DMRTA1: variants seen among roughly 807,000 people sequenced by gnomAD.
DMRTA1 encodes the protein DMRT like family A1.
A neutral mutation model predicts 35.2 loss-of-function variants in DMRTA1; 34 were observed. That is an observed-to-expected ratio of 0.97 (90% CI 0.74 to 1.29). The LOEUF is 1.29. Among genes scored for constraint, DMRTA1 ranks in the 50% most tolerant of loss-of-function variants. The pLI, the probability that DMRTA1 is intolerant of heterozygous loss-of-function variation, is 0.00. For missense variants in DMRTA1, 824 were observed against 644.6 expected, an observed-to-expected ratio of 1.28 and a Z score of -3.01; for synonymous variants, 344 against 276.6, an observed-to-expected ratio of 1.24 and a Z score of -2.42.
Position 22,446,933 on chromosome 9 carries a change from A to C in DMRTA1, c.-133A>C. Reference sequence around the variant, plus strand: ...TCCTTCCGAGTGGAAAGAGTGTAAAACTTTTGTCCGTGCGCGGGTGGAGCT... The same window carrying C: ...TCCTTCCGAGTGGAAAGAGTGTAAACCTTTTGTCCGTGCGCGGGTGGAGCT... On this transcript the variant is annotated 5_prime_UTR_variant, in exon 1 of 2. Transcript: ENST00000325870. 8.5e-7 allele frequency: 1 copy of C among 1,172,858 alleles called. No homozygotes were observed. Among genetic ancestry groups the C allele is most frequent in the Non-Finnish European group, 1.2e-6 (1 of 846,068 alleles). 72.7% of individuals were successfully genotyped at this position (1,172,858 alleles called of 1,614,324 possible).
In DMRTA1 at chr9:22,451,970, C is replaced by G; in HGVS notation, c.*59C>G. ...CCAGCATACAATACATGCACGTGCA[C>G]ACACATACACACACATCCATTAATA... On this transcript the variant is annotated 3_prime_UTR_variant, in exon 2 of 2. Coordinates refer to ENST00000325870, the MANE Select transcript of DMRTA1 (RefSeq NM_022160.3). 6.4e-7 allele frequency: 1 copy of G among 1,551,388 alleles called. No individual in the cohort carries two copies. The highest frequency in any genetic ancestry group is 8.8e-7 in the Non-Finnish European group (1 of 1,141,536).
rs1818941011 is a variant in DMRTA1 at position 22,452,078 on chromosome 9, T to C, written c.*167T>C. On this transcript the variant is annotated 3_prime_UTR_variant, in exon 2 of 2. Coordinates refer to ENST00000325870, the MANE Select transcript of DMRTA1 (RefSeq NM_022160.3). ...TTCAAGCAATATAATAGGTCTTAGA[T>C]CTGAAAACTCTTCATTAGGATTTAT... The C allele has an allele frequency of 5.7e-6, 4 of 698,046 alleles. No homozygotes were observed. Among genetic ancestry groups the C allele is most frequent in the East Asian group, 2.9e-5 (1 of 34,130 alleles). 43.2% of individuals were successfully genotyped at this position (698,046 alleles called of 1,614,324 possible).
At position 22,446,892 on chromosome 9, in the gene DMRTA1, A is replaced by G; in HGVS notation, c.-174A>G. The G allele has an allele frequency of 2.7e-6, 2 of 749,748 alleles. No homozygotes were observed. Among genetic ancestry groups the G allele is most frequent in the South Asian group, 3.8e-5 (2 of 51,968 alleles). 46.4% of individuals were successfully genotyped at this position (749,748 alleles called of 1,614,324 possible). A position where few individuals can be genotyped will look rare whatever the true frequency, so the allele number is the denominator to read the frequency against. ...ACCTCTCAGCGTCTCCAGCTCCAGG[A>G]CGCGGTCGTCCCAACTCCTTCCGAG... On this transcript the variant is annotated 5_prime_UTR_variant, in exon 1 of 2. Coordinates refer to ENST00000325870, the MANE Select transcript of DMRTA1 (RefSeq NM_022160.3).
intron 1 of DMRTA1, among the ~76,000 whole-genome samples, chr9:22,450,366 A>ATG (rs10677783): frequency 0.31 from 47,682 of 151,830 alleles, 9,853 homozygotes; most frequent in African/African-American, 0.59. Context: ...AAGAAAGTAC[A>ATG]TTTCATAGAG....
At chr9:22,450,247 T>C (rs978787757) in intron 1 of DMRTA1, among the ~76,000 whole-genome samples, 1 of 152,140 alleles carries the variant, frequency 6.6e-6, no homozygotes, top group Non-Finnish European at 1.5e-5. Context: ...ATGTTGTTTT[T>C]AAAAGACAAT....
At chr9:22,449,668 T>C (rs1818894587) in intron 1 of DMRTA1, among the ~76,000 whole-genome samples, 1 of 152,142 alleles carries the variant, frequency 6.6e-6, no homozygotes, top group African/African-American at 2.4e-5. Flanking sequence ...AAAAGTATTA[T>C]TGTGTTATTT....
In DMRTA1 at chr9:22,451,954, A is replaced by G. The variant is rs775699664; in HGVS notation, c.*43A>G. The G allele has an allele frequency of 1.2e-6, 2 of 1,604,164 alleles. No individual in the cohort carries two copies. Among genetic ancestry groups the G allele is most frequent in the South Asian group, 2.2e-5 (2 of 89,968 alleles). On this transcript the variant is annotated 3_prime_UTR_variant, in exon 2 of 2. Coordinates refer to ENST00000325870, the MANE Select transcript of DMRTA1 (RefSeq NM_022160.3). ...TCTTTCTGGAGTTTTTCCAGCATACAATACATGCACGTGCACACACATACA... is the reference window on the plus strand; with the variant it reads ...TCTTTCTGGAGTTTTTCCAGCATACGATACATGCACGTGCACACACATACA...
chr9:22,447,384 T>G lies in DMRTA1; in HGVS notation c.319T>G (p.Ser107Ala). The G allele has an allele frequency of 6.4e-7, 1 of 1,552,546 alleles. No individual in the cohort carries two copies. Among genetic ancestry groups the G allele is most frequent in the South Asian group, 1.2e-5 (1 of 84,496 alleles). The change falls in exon 1 of 2, where the codon TCA becomes GCA. Residue 107 changes from serine to alanine, a missense_variant. Ser to Ala is a moderately conservative substitution (Grantham distance 99). Coordinates refer to ENST00000325870, the MANE Select transcript of DMRTA1 (RefSeq NM_022160.3). ...CCGCTGTCGTAACCATGGTGTGGTG[T>G]CAGCGCTCAAGGGCCACAAGCGCTT... ...CARCRNHGVV[S>A]ALKGHKRFCR...
chr9:22,452,964 G>A lies in DMRTA1; in HGVS notation c.*1053G>A, dbSNP rs1164532403. ...GGAGAGATATAAGATTTCCAAAGGG[G>A]AAAAACTGCCATGAAGTTTCAGAGG... On this transcript the variant is annotated 3_prime_UTR_variant, in exon 2 of 2. Coordinates refer to ENST00000325870, the MANE Select transcript of DMRTA1 (RefSeq NM_022160.3). The A allele has an allele frequency of 6.6e-6, 1 of 152,100 alleles. No individual in the cohort carries two copies. Among genetic ancestry groups the A allele is most frequent in the Non-Finnish European group, 1.5e-5 (1 of 67,968 alleles). 9.4% of individuals were successfully genotyped at this position (152,100 alleles called of 1,614,324 possible).
rs1306683530 is a variant in DMRTA1 at position 22,451,757 on chromosome 9, C to A, written c.1361C>A (p.Pro454His). The change falls in exon 2 of 2, where the codon CCC becomes CAC. Residue 454 changes from proline (P) to histidine (H), a missense_variant. Pro to His is a moderately conservative substitution (Grantham distance 77). Coordinates refer to ENST00000325870, the MANE Select transcript of DMRTA1 (RefSeq NM_022160.3). ...AGRGLSGFMS[P>H]YLTPGLVPTL... is the part of the protein sequence containing the mutation. ...AGAGGGTTATCTGGTTTTATGTCAC[C>A]CTACCTAACACCTGGGTTAGTACCA... The A allele has an allele frequency of 1.2e-6, 2 of 1,614,042 alleles. No individual in the cohort carries two copies. Among genetic ancestry groups the A allele is most frequent in the African/African-American group, 1.3e-5 (1 of 75,040 alleles).
rs1419731130 is a variant in DMRTA1 at position 22,447,537 on chromosome 9, A to G, written c.472A>G (p.Arg158Gly). The G allele has an allele frequency of 6.3e-7, 1 of 1,584,794 alleles. No individual in the cohort carries two copies. Among genetic ancestry groups the G allele is most frequent in the Non-Finnish European group, 8.6e-7 (1 of 1,166,130 alleles). Reference sequence around the variant, plus strand: ...GGAGAGCGAAGCCCGGGGGCTACAGAGGCTCCTGTGCTCGGGGCTCTCCTG... The same window carrying G: ...GGAGAGCGAAGCCCGGGGGCTACAGGGGCTCCTGTGCTCGGGGCTCTCCTG... ...QEESEARGLQRLLCSGLSWPP... is the reference protein window; with the variant it reads ...QEESEARGLQGLLCSGLSWPP... Residue 158 changes from arginine (R) to glycine (G), a missense_variant, in exon 1 of 2, where the codon AGG (arginine) becomes GGG (glycine). Coordinates refer to ENST00000325870, the MANE Select transcript of DMRTA1 (RefSeq NM_022160.3).
In DMRTA1 at chr9:22,454,910, A is replaced by G. The variant is rs1818981997; in HGVS notation, c.*2999A>G. On this transcript the variant is annotated 3_prime_UTR_variant, in exon 2 of 2. Transcript: ENST00000325870. ...AGCCTGATTGATGGGATTTTTAATT[A>G]CTGCTTTAATATTGGGACTGAATCA... 6.6e-6 allele frequency: 1 copy of G among 152,146 alleles called. No individual in the cohort carries two copies. The allele number at this position is 152,146 out of a possible 1,614,324, so 9.4% of individuals were successfully genotyped here. A position where few individuals can be genotyped will look rare whatever the true frequency, so the allele number is the denominator to read the frequency against.
chr9:22,455,110 G>C lies in DMRTA1; in HGVS notation c.*3199G>C, dbSNP rs544774223. The C allele has an allele frequency of 1.1e-4, 17 of 152,310 alleles. No homozygotes were observed. Among genetic ancestry groups the C allele is most frequent in the African/African-American group, 4.1e-4 (17 of 41,562 alleles). The allele number at this position is 152,310 out of a possible 1,614,324, so 9.4% of individuals were successfully genotyped here. The stretch of plus-strand genomic sequence containing the variant: ...TAGCCTCCTGAGAGTAGGCAGAAAA[G>C]AAAGACATAGAACGCAGTGCGTGAC... On this transcript the variant is annotated 3_prime_UTR_variant, in exon 2 of 2. Coordinates refer to ENST00000325870, the MANE Select transcript of DMRTA1 (RefSeq NM_022160.3).
In DMRTA1 at chr9:22,452,868, A is replaced by G. The variant is rs1415595747; in HGVS notation, c.*957A>G. 6.6e-6 allele frequency: 1 copy of G among 152,148 alleles called. No homozygotes were observed. Among genetic ancestry groups the G allele is most frequent in the Non-Finnish European group, 1.5e-5 (1 of 67,972 alleles). 9.4% of individuals were successfully genotyped at this position (152,148 alleles called of 1,614,324 possible). ...CATTCTCAAAGGTAAGAATAATTTT[A>G]TTCAGAAAACTAAAATAGCTGCTCA... is the stretch of plus-strand genomic sequence containing the variant. On this transcript the variant is annotated 3_prime_UTR_variant, in exon 2 of 2. Transcript: ENST00000325870.
Position 22,455,356 on chromosome 9 carries a change from T to C in DMRTA1, c.*3445T>C, listed in dbSNP as rs1818989195. On this transcript the variant is annotated 3_prime_UTR_variant, in exon 2 of 2. Coordinates refer to ENST00000325870, the MANE Select transcript of DMRTA1 (RefSeq NM_022160.3). ...AGGTTACTTATACTCTTTGGACATT[T>C]ATTTCTTCTCAGCAAAACAAGGGTA... 1 of 152,224 alleles carries C rather than the reference T, an allele frequency of 6.6e-6. No homozygotes were observed. Among genetic ancestry groups the C allele is most frequent in the Admixed American group, 6.5e-5 (1 of 15,284 alleles). The allele number at this position is 152,224 out of a possible 1,614,324, so 9.4% of individuals were successfully genotyped here.
Position 22,447,095 on chromosome 9 carries a change from C to T in DMRTA1, c.30C>T (p.Asp10=). Residue 10 remains aspartate, a synonymous_variant, in exon 1 of 2, where the codon GAC becomes GAT. Coordinates refer to ENST00000325870, the MANE Select transcript of DMRTA1 (RefSeq NM_022160.3). MERSQCGSR[D]RGVSGRPHLA... Reference sequence around the variant, plus strand: ...AGCGGTCACAGTGTGGCAGCAGAGACCGAGGCGTTAGCGGCCGACCTCACT... The same window carrying T: ...AGCGGTCACAGTGTGGCAGCAGAGATCGAGGCGTTAGCGGCCGACCTCACT... 1 of 1,609,602 alleles carries T rather than the reference C, an allele frequency of 6.2e-7. No homozygotes were observed. Among genetic ancestry groups the T allele is most frequent in the South Asian group, 1.1e-5 (1 of 90,490 alleles).
At position 22,451,186 on chromosome 9, in the gene DMRTA1, G is replaced by A. The variant is rs148944998; in HGVS notation, c.790G>A (p.Gly264Arg). ...TGGTGTCATTGGGAAACAAAGTATC[G>A]GGTCATCTATTTCAGAATACTCCAA... ...SNGVIGKQSIGSSISEYSNKP... is the reference protein window; with the variant it reads ...SNGVIGKQSIRSSISEYSNKP... The change falls in exon 2 of 2, where the codon GGG (glycine) becomes AGG (arginine). Residue 264 changes from glycine (G) to arginine (R), a missense_variant. Transcript: ENST00000325870. 1.6e-4 allele frequency: 265 copies of A among 1,613,854 alleles called. No individual in the cohort carries two copies. The highest frequency in any genetic ancestry group is 2.0e-4 in the Non-Finnish European group (240 of 1,179,956).
rs1368658948 is a variant in DMRTA1 at position 22,454,597 on chromosome 9, G to C, written c.*2686G>C. 6.6e-6 allele frequency: 1 copy of C among 152,090 alleles called. No individual in the cohort carries two copies. Among genetic ancestry groups the C allele is most frequent in the Non-Finnish European group, 1.5e-5 (1 of 68,002 alleles). 9.4% of individuals were successfully genotyped at this position (152,090 alleles called of 1,614,324 possible). A position where few individuals can be genotyped will look rare whatever the true frequency, so the allele number is the denominator to read the frequency against. On this transcript the variant is annotated 3_prime_UTR_variant, in exon 2 of 2. Coordinates refer to ENST00000325870, the MANE Select transcript of DMRTA1 (RefSeq NM_022160.3). ...ACATCAATGAGTTCTTTGTAATCTT[G>C]ATATTTATATCCATGGATGCTGCTT...
At chr9:22,450,132 T>C (rs527352047) in intron 1 of DMRTA1, among the ~76,000 whole-genome samples, 122 of 152,244 alleles carry the variant, frequency 8.0e-4, no homozygotes, top group African/African-American at 2.9e-3. Context: ...TTGATTAATA[T>C]GCTCAACATG....
Sources: allele counts gnomAD v4.1 joint callset (sites outside exome capture counted in the v4.1 genomes callset), GRCh38; gene constraint gnomAD v4.1.1; transcripts MANE v1.5; gene names NCBI Gene and HGNC (gene_info 2026-07-23, HGNC 2026-07-21).